SULF2: variants seen among roughly 807,000 people sequenced by gnomAD.
The protein encoded by SULF2 is extracellular sulfatase Sulf-2.
Under a neutral mutation model 107.7 loss-of-function variants are expected in SULF2, and 52 were observed. That is an observed-to-expected ratio of 0.48 (90% CI 0.39 to 0.61). The LOEUF is 0.61. Ranked by LOEUF, SULF2 falls within the 20% of genes least tolerant of loss-of-function variation. SULF2 has a pLI of 0.00. For synonymous variants in SULF2, 460 were observed against 464.3 expected (o/e 0.99, Z 0.12); for missense variants, 993 against 1,177.3 (o/e 0.84, Z 2.29).
intron 1 of SULF2, among the ~76,000 whole-genome samples, chr20:47,760,485 C>T (rs374509791): frequency 4.6e-5 from 7 of 152,158 alleles, no homozygotes; most frequent in African/African-American, 1.4e-4. Flanking sequence ...CATCAAGTCT[C>T]GGGAAAGTAA....
intron 2 of SULF2, among the ~76,000 whole-genome samples, chr20:47,745,446 TATATATATATACACATACAC>T (rs2090010951): frequency 1.2e-4 from 2 of 17,038 alleles, no homozygotes; most frequent in Non-Finnish European, 2.0e-4. Context: ...TATATATATA[TATATATATATACACATACAC>T]ACACACTTTT....
intron 1 of SULF2, among the ~76,000 whole-genome samples, chr20:47,763,355 C>T (rs7352421): frequency 6.6e-6 from 1 of 152,214 alleles, no homozygotes; most frequent in Non-Finnish European, 1.5e-5. Context: ...ATGCCCTCAC[C>T]TTCCCAATGC....
chr20:47,659,636 G>T, intron 19 of SULF2, 61 bp downstream of exon 19: 1 of 1,483,134 alleles, frequency 6.7e-7, no homozygotes, highest in South Asian at 1.1e-5. Flanking sequence ...ACAGAGATGA[G>T]ACTGAAGGAT....
At chr20:47,750,063 C>T (rs1323979135) in intron 2 of SULF2, among the ~76,000 whole-genome samples, 2 of 152,204 alleles carry the variant, frequency 1.3e-5, no homozygotes, top group Admixed American at 6.5e-5. Context: ...CTCACTGCAA[C>T]CTCCGCCTCC....
intron 11 of SULF2, among the ~76,000 whole-genome samples, chr20:47,670,524 G>A (rs1471011480): frequency 1.3e-5 from 2 of 150,180 alleles, no homozygotes; most frequent in East Asian, 4.0e-4. Flanking sequence ...CTACCATGTG[G>A]ATGAACCCGG....
chr20:47,779,467 G>A (rs989278406), intron 1 of SULF2, among the ~76,000 whole-genome samples: 1 of 151,996 alleles, frequency 6.6e-6, no homozygotes, highest in African/African-American at 2.4e-5. Flanking sequence ...AGCCACTCTC[G>A]GGCCCTCTCT....
chr20:47,660,077 GC>G (rs1264727561), intron 18 of SULF2, among the ~76,000 whole-genome samples: 2 of 152,230 alleles, frequency 1.3e-5, no homozygotes, highest in African/African-American at 2.4e-5. Flanking sequence ...CTGACCAAGT[GC>G]AGGAGGGAGT....
At chr20:47,748,208 T>C (rs1176759421) in intron 2 of SULF2, among the ~76,000 whole-genome samples, 2 of 152,192 alleles carry the variant, frequency 1.3e-5, no homozygotes. Context: ...CTCCCCTTCA[T>C]TCCCATGTCC....
chr20:47,737,572 C>T (rs1055047884), intron 2 of SULF2, among the ~76,000 whole-genome samples: 1 of 151,868 alleles, frequency 6.6e-6, no homozygotes, highest in African/African-American at 2.4e-5. Context: ...TTCTTCGAGC[C>T]TGGAACCCAC....
intron 2 of SULF2, among the ~76,000 whole-genome samples, chr20:47,747,237 T>A (rs1600639666): frequency 6.6e-6 from 1 of 152,184 alleles, no homozygotes; most frequent in African/African-American, 2.4e-5. Flanking sequence ...ACAAATGTTA[T>A]TGCTGGTTTC....
intron 10 of SULF2, among the ~76,000 whole-genome samples, chr20:47,674,534 C>G (rs1323636752): frequency 6.6e-6 from 1 of 152,268 alleles, no homozygotes. Context: ...CACATTTACT[C>G]CTGCCCGGCC....
At chr20:47,755,096 G>A (rs2090251009) in intron 2 of SULF2, among the ~76,000 whole-genome samples, 1 of 152,176 alleles carries the variant, frequency 6.6e-6, no homozygotes. Flanking sequence ...CTCCCAAAAT[G>A]CTGGGATTAC....
chr20:47,785,017 G>A (rs1206409017), intron 1 of SULF2, among the ~76,000 whole-genome samples: 1 of 152,092 alleles, frequency 6.6e-6, no homozygotes, highest in African/African-American at 2.4e-5. Flanking sequence ...CGGCCCAGGC[G>A]CGCTCCCCTA....
At chr20:47,685,065 G>A (rs952161018) in intron 5 of SULF2, 2 of 152,834 alleles carry the variant, frequency 1.3e-5, no homozygotes, top group African/African-American at 4.8e-5. Context: ...TGAATGGCAG[G>A]TGGCAGTTAT....
intron 2 of SULF2, among the ~76,000 whole-genome samples, chr20:47,750,573 C>A (rs78483449): frequency 2.6e-5 from 4 of 152,338 alleles, no homozygotes; most frequent in African/African-American, 7.2e-5. Flanking sequence ...GCTCTCATTA[C>A]ACCTATTCAG....
At chr20:47,691,652 G>A (rs2088200426) in intron 4 of SULF2, among the ~76,000 whole-genome samples, 1 of 152,286 alleles carries the variant, frequency 6.6e-6, no homozygotes, top group African/African-American at 2.4e-5. Flanking sequence ...AGAAGAGAGG[G>A]CAGATGGCAA....
At chr20:47,742,574 G>A (rs190605897) in intron 2 of SULF2, among the ~76,000 whole-genome samples, 43 of 152,184 alleles carry the variant, frequency 2.8e-4, no homozygotes, top group African/African-American at 1.0e-3. Context: ...TGACACTCCT[G>A]AACTGCCTCC....
intron 1 of SULF2, among the ~76,000 whole-genome samples, chr20:47,764,262 A>G (rs1359072161): frequency 6.6e-6 from 1 of 152,264 alleles, no homozygotes; most frequent in African/African-American, 2.4e-5. Flanking sequence ...CTCCAGCAGA[A>G]TATCAGCCCC....
At chr20:47,760,483 C>G (rs924354048) in intron 1 of SULF2, among the ~76,000 whole-genome samples, 4 of 152,158 alleles carry the variant, frequency 2.6e-5, no homozygotes, top group Non-Finnish European at 4.4e-5. Flanking sequence ...CCCATCAAGT[C>G]TCGGGAAAGT....
Sources: gnomAD v4.1 joint callset for allele counts (sites outside exome capture counted in the v4.1 genomes callset) on GRCh38, gnomAD v4.1.1 for gene constraint, MANE v1.5 for transcripts, NCBI Gene and HGNC (gene_info 2026-07-23, HGNC 2026-07-21) for gene names.